Variants in RALGAPA1 observed in about 807,000 individuals in gnomAD.
The protein encoded by RALGAPA1 is ral GTPase-activating protein subunit alpha-1.
RALGAPA1 carries 52 observed loss-of-function variants against 269.6 expected under a neutral mutation model. That is an observed-to-expected ratio of 0.19 (90% CI 0.15 to 0.24). RALGAPA1 has a LOEUF of 0.24. Among genes scored for constraint, RALGAPA1 ranks in the 10% least tolerant of loss-of-function variants. RALGAPA1 has a pLI of 1.00. For missense variants in RALGAPA1, 1,917 were observed against 3,013.9 expected (o/e 0.64, Z 8.52); for synonymous variants, 817 against 1,008.3 (o/e 0.81, Z 3.60).
chr14:35,547,359 G>C (rs1007621185), intron 41 of RALGAPA1, among the ~76,000 whole-genome samples: 1 of 152,048 alleles, frequency 6.6e-6, no homozygotes, highest in African/African-American at 2.4e-5. Flanking sequence ...CAAATGTGCA[G>C]GATAACATGC....
intron 37 of RALGAPA1, among the ~76,000 whole-genome samples, chr14:35,583,207 G>T (rs972501263): frequency 5.9e-5 from 9 of 152,132 alleles, no homozygotes; most frequent in Admixed American, 4.6e-4. Context: ...AATGGAAAAA[G>T]TAGACAACAT....
rs548438357 is a variant in RALGAPA1, at chr14:35,670,695, C to T, written c.5202+694G>A. Among the ~76,000 whole-genome samples, 19 of 152,254 alleles carry T rather than the reference C, an allele frequency of 1.2e-4. No homozygotes were observed. The South Asian group carries it at 3.7e-3, about 30-fold the overall frequency. ...ATCCCAGCACTTTGGGAGGCTGAGG[C>T]GGGCAGATCACAAGGTCAGGAGTTC... On this transcript the variant is annotated intron_variant, in intron 26 of 41. Coordinates refer to ENST00000680220, the MANE Select transcript of RALGAPA1 (RefSeq NM_001346249.2).
In RALGAPA1 at chr14:35,693,951, A is replaced by G. The variant is rs185112224; in HGVS notation, c.2408-3948T>C. ...GTATACTGTCAGCTTATAAAATGTT[A>G]AGAAAAAAGTACTCCTTTCCACTAG... On this transcript the variant is annotated intron_variant, in intron 17 of 41. Transcript: ENST00000680220. Among the ~76,000 whole-genome samples the G allele has an allele frequency of 5.2e-3, 796 of 152,158 alleles. 2 individuals carry two copies. Among genetic ancestry groups the G allele is most frequent in the Non-Finnish European group, 8.4e-3 (569 of 67,916 alleles).
chr14:35,652,699 C>A (rs576909035), intron 30 of RALGAPA1, among the ~76,000 whole-genome samples: 250 of 152,142 alleles, frequency 1.6e-3, no homozygotes, highest in Middle Eastern at 0.01. Context: ...GCCACCGTGC[C>A]CAGCCAAATG....
intron 37 of RALGAPA1, among the ~76,000 whole-genome samples, chr14:35,579,559 G>C (rs1485377688): frequency 6.9e-6 from 1 of 144,104 alleles, no homozygotes; most frequent in African/African-American, 2.6e-5. Flanking sequence ...AGTGAAAAGA[G>C]ATCGCGCCAT....
At chr14:35,780,390 C>T (rs566280269) in intron 1 of RALGAPA1, among the ~76,000 whole-genome samples, 1 of 152,144 alleles carries the variant, frequency 6.6e-6, no homozygotes, top group Non-Finnish European at 1.5e-5. Flanking sequence ...AGACATCTAT[C>T]GAATGCCCAT....
At chr14:35,806,528 C>T (rs886493557) in intron 1 of RALGAPA1, among the ~76,000 whole-genome samples, 3 of 152,054 alleles carry the variant, frequency 2.0e-5, no homozygotes, top group African/African-American at 7.2e-5. Flanking sequence ...TTGGATTGTC[C>T]TACAGTGGGA....
chr14:35,629,135 T>G (rs541088693), intron 33 of RALGAPA1, among the ~76,000 whole-genome samples: 2 of 152,084 alleles, frequency 1.3e-5, no homozygotes, highest in Admixed American at 1.3e-4. Flanking sequence ...CTGAGGGGTG[T>G]TGATGTGGAA....
At chr14:35,726,136 A>G (rs1018313359) in intron 13 of RALGAPA1, among the ~76,000 whole-genome samples, 1 of 152,200 alleles carries the variant, frequency 6.6e-6, no homozygotes, top group East Asian at 1.9e-4. Context: ...TGGAACAGTC[A>G]CTGTGAGAAA....
chr14:35,699,811 A>G (rs2067194777), intron 17 of RALGAPA1, among the ~76,000 whole-genome samples: 1 of 151,932 alleles, frequency 6.6e-6, no homozygotes, highest in African/African-American at 2.4e-5. Flanking sequence ...TATCTTCCTA[A>G]GTCATCTTTT....
intron 16 of RALGAPA1, among the ~76,000 whole-genome samples, chr14:35,710,416 C>T (rs761615798): frequency 6.6e-5 from 10 of 152,180 alleles, no homozygotes; most frequent in Non-Finnish European, 1.3e-4. Context: ...CCAACAAGCC[C>T]GGCTAATTTT....
In RALGAPA1 at chr14:35,750,706, G is replaced by A. The variant is rs1228070144; in HGVS notation, c.803-16C>T. 18 of 1,538,424 alleles carry A rather than the reference G, an allele frequency of 1.2e-5. No homozygotes were observed. Among genetic ancestry groups the A allele is most frequent in the African/African-American group, 1.4e-5 (1 of 71,384 alleles). On this transcript the variant is annotated splice_polypyrimidine_tract_variant and intron_variant, in intron 8 of 41. Transcript: ENST00000680220. ...TGCGGGATGTCTGTGCAAAATAAAA[G>A]GAAGATGAAAACCAAAATAAGAAAG... is the stretch of plus-strand genomic sequence containing the variant.
intron 31 of RALGAPA1, among the ~76,000 whole-genome samples, chr14:35,637,530 G>A (rs1056981861): frequency 1.1e-4 from 17 of 151,490 alleles, no homozygotes; most frequent in Admixed American, 1.1e-3. Context: ...AGTCAGAGGC[G>A]ACAAAAGAAA....
At chr14:35,637,786 A>G (rs915417941) in intron 31 of RALGAPA1, among the ~76,000 whole-genome samples, 1 of 152,210 alleles carries the variant, frequency 6.6e-6, no homozygotes, top group Non-Finnish European at 1.5e-5. Context: ...CAAACTCTCA[A>G]AGGTCAAGGA....
At chr14:35,600,180 T>C (rs2059190015) in intron 36 of RALGAPA1, among the ~76,000 whole-genome samples, 1 of 150,966 alleles carries the variant, frequency 6.6e-6, no homozygotes, top group Non-Finnish European at 1.5e-5. Flanking sequence ...TGATGCTCTG[T>C]TCATTATTTT....
chr14:35,657,669 G>GAAGCAACATATATATATAT (rs2063277790), intron 28 of RALGAPA1, among the ~76,000 whole-genome samples: 2 of 147,100 alleles, frequency 1.4e-5, no homozygotes, highest in Non-Finnish European at 3.0e-5. Flanking sequence ...TTCCACTTGA[G>GAAGCAACATATATATATAT]AAGCAACATA....
intron 18 of RALGAPA1, among the ~76,000 whole-genome samples, chr14:35,688,206 T>A (rs1335422700): frequency 1.3e-5 from 2 of 152,218 alleles, no homozygotes. Flanking sequence ...AATTTTCCTA[T>A]ATATCCACTT....
intron 22 of RALGAPA1, chr14:35,676,214 C>CTT (rs34723426): frequency 2.1e-5 from 3 of 143,722 alleles, no homozygotes; most frequent in African/African-American, 5.1e-5. Context: ...TGATTAAATT[C>CTT]TTTTTTTTTT....
At chr14:35,603,665 A>G (rs1374134181) in intron 36 of RALGAPA1, among the ~76,000 whole-genome samples, 1 of 152,220 alleles carries the variant, frequency 6.6e-6, no homozygotes, top group African/African-American at 2.4e-5. Flanking sequence ...CTATTCAGCC[A>G]TAAAAAGGAA....
Sources: gnomAD v4.1 joint callset for allele counts (sites outside exome capture counted in the v4.1 genomes callset) on GRCh38, gnomAD v4.1.1 for gene constraint, MANE v1.5 for transcripts, NCBI Gene and HGNC (gene_info 2026-07-23, HGNC 2026-07-21) for gene names.